The following NELL1 variants were observed in gnomAD, a reference collection of about 807,000 sequenced individuals.
NELL1 encodes protein kinase C-binding protein NELL1.
A neutral mutation model predicts 107.4 loss-of-function variants in NELL1; 76 were observed. The observed-to-expected ratio is 0.71, with a 90% CI of 0.59 to 0.86. The LOEUF (loss-of-function observed/expected upper bound fraction) is 0.86. NELL1 is among the 40% of genes least tolerant of loss of function. The pLI is 0.00. For missense variants in NELL1, 1,024 were observed against 1,005.5 expected (o/e 1.02, Z -0.25); for synonymous variants, 353 against 341.2 (o/e 1.03, Z -0.38).
chr11:21,171,806 A>G (rs1856612604), intron 13 of NELL1, among the ~76,000 whole-genome samples: 1 of 151,818 alleles, frequency 6.6e-6, no homozygotes, highest in Non-Finnish European at 1.5e-5. Context: ...TTGGGTTTCT[A>G]ATGCTTCTCC....
At chr11:21,061,231 G>T (rs1198789092) in intron 12 of NELL1, among the ~76,000 whole-genome samples, 1 of 152,158 alleles carries the variant, frequency 6.6e-6, no homozygotes, top group Non-Finnish European at 1.5e-5. Context: ...CAGACAGTAG[G>T]CAAACACATA....
At chr11:21,099,866 T>C (rs770510231) in intron 12 of NELL1, among the ~76,000 whole-genome samples, 1 of 152,214 alleles carries the variant, frequency 6.6e-6, no homozygotes, top group Non-Finnish European at 1.5e-5. Flanking sequence ...CTGGGATTGG[T>C]ACCCTTTTTA....
At chr11:21,121,701 C>A (rs1237166341) in intron 13 of NELL1, among the ~76,000 whole-genome samples, 1 of 152,090 alleles carries the variant, frequency 6.6e-6, no homozygotes, top group Non-Finnish European at 1.5e-5. Context: ...ATTATAGAAA[C>A]TTTCATCACT....
chr11:20,792,305 C>T (rs952681163), intron 3 of NELL1, among the ~76,000 whole-genome samples: 3 of 151,900 alleles, frequency 2.0e-5, no homozygotes, highest in Middle Eastern at 6.8e-3. Flanking sequence ...TTAGCGATTT[C>T]TTTTTCTTGT....
At chr11:20,940,164 T>C (rs924155803) in intron 10 of NELL1, among the ~76,000 whole-genome samples, 11 of 152,044 alleles carry the variant, frequency 7.2e-5, no homozygotes, top group African/African-American at 2.4e-4. Flanking sequence ...TCGCTCTCTC[T>C]CTCCCTCCCT....
intron 3 of NELL1, among the ~76,000 whole-genome samples, chr11:20,818,056 A>G (rs1421943592): frequency 6.6e-6 from 1 of 152,122 alleles, no homozygotes; most frequent in African/African-American, 2.4e-5. Flanking sequence ...AGAAAAATGT[A>G]TATTCTGTGT....
At chr11:21,350,254 A>G (rs1022337635) in intron 14 of NELL1, among the ~76,000 whole-genome samples, 9 of 152,102 alleles carry the variant, frequency 5.9e-5, no homozygotes, top group African/African-American at 2.2e-4. Flanking sequence ...ATTATTCTGG[A>G]TGTTGGAAGT....
At chr11:21,171,303 C>A (rs528489421) in intron 13 of NELL1, among the ~76,000 whole-genome samples, 11 of 151,756 alleles carry the variant, frequency 7.2e-5, no homozygotes, top group Non-Finnish European at 5.9e-5. Flanking sequence ...TAATTATACA[C>A]ACACACATAC....
At chr11:21,139,573 T>C (rs190696923) in intron 13 of NELL1, among the ~76,000 whole-genome samples, 2 of 152,312 alleles carry the variant, frequency 1.3e-5, no homozygotes, top group Non-Finnish European at 2.9e-5. Flanking sequence ...ACTAGAAAAT[T>C]TGTAAGCTCT....
intron 16 of NELL1, among the ~76,000 whole-genome samples, chr11:21,555,798 T>G (rs143681253): frequency 6.6e-6 from 1 of 152,020 alleles, no homozygotes; most frequent in East Asian, 2.0e-4. Context: ...TTTGCCAAAG[T>G]GAGATGAGTT....
chr11:21,560,157 G>T, intron 16 of NELL1, 32 bp from the exon 17 acceptor site: 3 of 1,604,508 alleles, frequency 1.9e-6, no homozygotes, highest in South Asian at 1.1e-5. Context: ...CCCTTGGCTA[G>T]ATTCTAAGCT....
intron 13 of NELL1, among the ~76,000 whole-genome samples, chr11:21,228,004 A>G (rs1407673505): frequency 1.3e-5 from 2 of 152,196 alleles, no homozygotes; most frequent in Admixed American, 1.3e-4. Flanking sequence ...TTCACTTAAC[A>G]AACTATATTG....
chr11:21,497,107 T>C (rs1439174958), intron 15 of NELL1, among the ~76,000 whole-genome samples: 2 of 139,284 alleles, frequency 1.4e-5, no homozygotes, highest in Admixed American at 8.2e-5. Context: ...TGTGTCTTTA[T>C]AGCAGCATGA....
In NELL1 at chr11:20,986,101, C is replaced by T. The variant is rs150143905; in HGVS notation, c.1300+25541C>T. ...GCACTTTGGAGACTTTAATTTGATG[C>T]CTGTTGGCAGAGTCTGCAGCCTCCA... On this transcript the variant is annotated intron_variant, in intron 12 of 19. Transcript: ENST00000357134. 5.3e-3 allele frequency among the ~76,000 whole-genome samples: 806 copies of T among 152,194 alleles called. 7 individuals are homozygous for T. Among genetic ancestry groups the T allele is most frequent in the African/African-American group, 0.018 (768 of 41,538 alleles).
chr11:21,190,503 C>G (rs60564651), intron 13 of NELL1, among the ~76,000 whole-genome samples: 8,311 of 151,840 alleles, frequency 0.055, 934 homozygotes, highest in African/African-American at 0.19. Flanking sequence ...GGAACTGACC[C>G]TAGATTGGGT....
intron 14 of NELL1, among the ~76,000 whole-genome samples, chr11:21,302,901 T>TA (rs545088474): frequency 9.3e-4 from 135 of 145,880 alleles, no homozygotes; most frequent in South Asian, 4.3e-3. Context: ...ACAAAAAAAT[T>TA]AAAAAAAAAA....
intron 15 of NELL1, among the ~76,000 whole-genome samples, chr11:21,488,226 C>A (rs148188561): frequency 1.3e-5 from 2 of 151,938 alleles, no homozygotes; most frequent in Non-Finnish European, 1.5e-5. Flanking sequence ...AGTATACATT[C>A]GTCTCATTAA....
chr11:20,734,130 A>G (rs1855708878), intron 2 of NELL1, among the ~76,000 whole-genome samples: 1 of 152,184 alleles, frequency 6.6e-6, no homozygotes. Context: ...AACAGCAAGT[A>G]TGAAGGCTCC....
intron 12 of NELL1, among the ~76,000 whole-genome samples, chr11:20,975,346 C>CT (rs2134235131): frequency 6.6e-6 from 1 of 151,900 alleles, no homozygotes; most frequent in East Asian, 1.9e-4. Flanking sequence ...TTTAACACAT[C>CT]TAAATGTATA....
Sources: allele counts gnomAD v4.1 joint callset (sites outside exome capture counted in the v4.1 genomes callset), GRCh38; gene constraint gnomAD v4.1.1; transcripts MANE v1.5; gene names NCBI Gene and HGNC (gene_info 2026-07-23, HGNC 2026-07-21).